DPYD: variants seen among roughly 807,000 people sequenced by gnomAD.
DPYD encodes the protein dihydropyrimidine dehydrogenase, also known as dihydropyrimidine dehydrogenase [NADP(+)].
Under a neutral mutation model 116.2 loss-of-function variants are expected in DPYD, and 109 were observed. The ratio of observed to expected loss-of-function variants is 0.94; its 90% confidence interval spans 0.80 to 1.10. DPYD has a LOEUF of 1.10. DPYD is among the 50% of genes least tolerant of loss of function. The probability of loss-of-function intolerance (pLI) is 0.00; values close to 1 mark genes in which losing one functional copy is unlikely to be tolerated. For missense variants in DPYD, 1,302 were observed against 1,254.5 expected (o/e 1.04, Z -0.57); for synonymous variants, 440 against 432.0 (o/e 1.02, Z -0.23).
At chr1:97,751,353 CATATAT>C (rs1228046504) in intron 3 of DPYD, among the ~76,000 whole-genome samples, 1 of 139,744 alleles carries the variant, frequency 7.2e-6, no homozygotes, top group Non-Finnish European at 1.5e-5. Context: ...TACATATATA[CATATAT>C]ATAAACACAC....
In DPYD at chr1:97,333,060, C is replaced by CTTTTTT. The variant is rs10681575; in HGVS notation, c.2059-26769_2059-26764dup. Reference sequence around the variant, plus strand: ...CCCCAAAGAAAGCCAACTGCTAATTCTTTTTTTTTTTTTTTTCAGACAGAG... The same window carrying CTTTTTT: ...CCCCAAAGAAAGCCAACTGCTAATTCTTTTTTTTTTTTTTTTTTTTTTCAGACAGAG... On this transcript the variant is annotated intron_variant, in intron 16 of 22. Transcript: ENST00000370192. Among the ~76,000 whole-genome samples, 42 of 133,876 alleles carry CTTTTTT rather than the reference C, an allele frequency of 3.1e-4. 1 individual carries two copies. The highest frequency in any genetic ancestry group is 3.9e-3 in the Middle Eastern group (1 of 258). 87.8% of individuals were successfully genotyped at this position (133,876 alleles called of 152,430 possible).
rs17117062 is a variant in DPYD at position 97,683,186 on chromosome 1, A to G, written c.763-4004T>C. Among the ~76,000 whole-genome samples, 266 of 152,130 alleles carry G rather than the reference A, an allele frequency of 1.7e-3. 11 individuals carry two copies. In the East Asian group the frequency reaches 0.04, roughly 23 times the overall value. ...AGACCAAATATTTCCAGATGCTCTA[A>G]GATAGAAAATAAAATGAAGAAATTT... On this transcript the variant is annotated intron_variant, in intron 7 of 22. Transcript: ENST00000370192.
At chr1:97,379,524 A>G (rs954569877) in intron 15 of DPYD, among the ~76,000 whole-genome samples, 1 of 152,092 alleles carries the variant, frequency 6.6e-6, no homozygotes, top group Admixed American at 6.5e-5. Flanking sequence ...TCCTATAGTA[A>G]CTGTCCGCTC....
At chr1:97,675,426 C>G (rs1660089771) in intron 8 of DPYD, among the ~76,000 whole-genome samples, 1 of 152,106 alleles carries the variant, frequency 6.6e-6, no homozygotes, top group Non-Finnish European at 1.5e-5. Flanking sequence ...AGAAGCTAAA[C>G]TTCTCATGGT....
intron 12 of DPYD, among the ~76,000 whole-genome samples, chr1:97,533,244 G>A (rs747776092): frequency 2.6e-5 from 4 of 151,624 alleles, no homozygotes; most frequent in Non-Finnish European, 4.4e-5. Context: ...GTAATATGTT[G>A]GTTTCTTTCA....
intron 20 of DPYD, among the ~76,000 whole-genome samples, chr1:97,149,958 T>C (rs2101715821): frequency 6.6e-6 from 1 of 152,384 alleles, no homozygotes; most frequent in African/African-American, 2.4e-5. Flanking sequence ...CCAAATTCTT[T>C]GTCATGGTCA....
At chr1:97,685,168 T>C (rs2100932331) in intron 7 of DPYD, among the ~76,000 whole-genome samples, 1 of 152,296 alleles carries the variant, frequency 6.6e-6, no homozygotes, top group South Asian at 2.1e-4. Flanking sequence ...GCTTCATCCC[T>C]AGGTGCAAGG....
At chr1:97,284,493 AT>A (rs1665534835) in intron 18 of DPYD, among the ~76,000 whole-genome samples, 1 of 152,232 alleles carries the variant, frequency 6.6e-6, no homozygotes, top group South Asian at 2.1e-4. Flanking sequence ...CCATCTTTGC[AT>A]TCCTGGAATA....
At position 97,200,511 on chromosome 1, in the gene DPYD, G is replaced by C. The variant is rs536768453; in HGVS notation, c.2443-7263C>G. On this transcript the variant is annotated intron_variant, in intron 19 of 22. Coordinates refer to ENST00000370192, the MANE Select transcript of DPYD (RefSeq NM_000110.4). The stretch of plus-strand genomic sequence containing the variant: ...TCATATATGAAACACTGAATAAGAA[G>C]GGTTGTTCATCCAATTCTTAAAGCT... Among the ~76,000 whole-genome samples, 3 of 152,222 alleles carry C rather than the reference G, an allele frequency of 2.0e-5. No homozygotes were observed. The East Asian group carries it at 5.8e-4, about 29-fold the overall frequency.
At chr1:97,267,880 A>T (rs1382007763) in intron 18 of DPYD, among the ~76,000 whole-genome samples, 1 of 152,024 alleles carries the variant, frequency 6.6e-6, no homozygotes, top group East Asian at 1.9e-4. Flanking sequence ...TCCAGCACGA[A>T]CTCCTAAGTC....
intron 19 of DPYD, among the ~76,000 whole-genome samples, chr1:97,194,022 C>A (rs1658572789): frequency 6.6e-6 from 1 of 152,170 alleles, no homozygotes; most frequent in South Asian, 2.1e-4. Context: ...GTTGACAACT[C>A]ACTTCCCAAT....
chr1:97,638,290 C>T (rs1657684100), intron 8 of DPYD, among the ~76,000 whole-genome samples: 1 of 151,996 alleles, frequency 6.6e-6, no homozygotes, highest in African/African-American at 2.4e-5. Context: ...TGGCACATCC[C>T]CTGAAGTTAT....
At chr1:97,733,444 T>C (rs1394445950) in intron 4 of DPYD, among the ~76,000 whole-genome samples, 1 of 151,966 alleles carries the variant, frequency 6.6e-6, no homozygotes, top group Non-Finnish European at 1.5e-5. Context: ...ACAGATTAAA[T>C]TTTTTTCTAA....
intron 14 of DPYD, among the ~76,000 whole-genome samples, chr1:97,404,538 T>C (rs1673544283): frequency 6.6e-6 from 1 of 152,100 alleles, no homozygotes; most frequent in Non-Finnish European, 1.5e-5. Flanking sequence ...CATTATGTAA[T>C]ACCCTTCTTT....
At chr1:97,473,281 C>T (rs1677760722) in intron 13 of DPYD, among the ~76,000 whole-genome samples, 1 of 152,206 alleles carries the variant, frequency 6.6e-6, no homozygotes, top group Non-Finnish European at 1.5e-5. Flanking sequence ...CTTCTAGGTT[C>T]ATCCATGTTG....
intron 12 of DPYD, among the ~76,000 whole-genome samples, chr1:97,518,249 T>C (rs1033746045): frequency 7.9e-5 from 12 of 152,186 alleles, no homozygotes; most frequent in Non-Finnish European, 1.6e-4. Flanking sequence ...ATATATTTTT[T>C]CTTTTATTCA....
rs376145560 is a variant in DPYD, at chr1:97,288,495, A to C, written c.2299+16764T>G. Among the ~76,000 whole-genome samples, 90 of 152,222 alleles carry C rather than the reference A, an allele frequency of 5.9e-4. No homozygotes were observed. The East Asian group carries it at 0.014, about 24-fold the overall frequency. The stretch of plus-strand genomic sequence containing the variant: ...AATTATAACAAACTGTCTCTCAGAC[A>C]ACAGTGCAATCAAACTAGAACTCAG... On this transcript the variant is annotated intron_variant, in intron 18 of 22. Transcript: ENST00000370192.
At chr1:97,735,727 T>TA (rs922817947) in intron 4 of DPYD, among the ~76,000 whole-genome samples, 4 of 130,948 alleles carry the variant, frequency 3.1e-5, no homozygotes, top group Non-Finnish European at 6.9e-5. Flanking sequence ...AATAAATAAA[T>TA]AAAACAATAA....
At chr1:97,153,990 G>A (rs1370330021) in intron 20 of DPYD, among the ~76,000 whole-genome samples, 1,345 of 123,624 alleles carry the variant, frequency 0.011, 14 homozygotes, top group African/African-American at 0.037. Flanking sequence ...AAAAAAAAAA[G>A]ATGTTGGCGT....
Sources: gnomAD v4.1 joint callset for allele counts (sites outside exome capture counted in the v4.1 genomes callset) on GRCh38, gnomAD v4.1.1 for gene constraint, MANE v1.5 for transcripts, NCBI Gene and HGNC (gene_info 2026-07-23, HGNC 2026-07-21) for gene names.